ACTL6A: variants seen among roughly 807,000 people sequenced by gnomAD.
The protein encoded by ACTL6A is actin-like protein 6A.
In ACTL6A, 5 loss-of-function variants were observed where a neutral mutation model predicts 59.2. The observed-to-expected ratio is 0.08, with a 90% CI of 0.04 to 0.18. The LOEUF is 0.18. Ranked by LOEUF, ACTL6A falls within the 10% of genes least tolerant of loss-of-function variation. The pLI is 1.00. For synonymous variants in ACTL6A, 154 were observed against 171.8 expected, an observed-to-expected ratio of 0.90 and a Z score of 0.81; for missense variants, 285 against 526.9, an observed-to-expected ratio of 0.54 and a Z score of 4.49.
chr3:179,568,245 G>A (rs993520965), intron 1 of ACTL6A, among the ~76,000 whole-genome samples: 2 of 151,550 alleles, frequency 1.3e-5, no homozygotes, highest in South Asian at 2.1e-4. Flanking sequence ...CAAAGTAATG[G>A]GTTTGATTTT....
chr3:179,581,322 C>A, intron 11 of ACTL6A, 102 bp downstream of exon 11: 1 of 971,282 alleles, frequency 1.0e-6, no homozygotes, highest in South Asian at 1.4e-5. Flanking sequence ...TTGTCAGTGT[C>A]ATTGACTTTG....
At chr3:179,571,620 C>T (rs1237905513) in intron 3 of ACTL6A, among the ~76,000 whole-genome samples, 3 of 152,282 alleles carry the variant, frequency 2.0e-5, no homozygotes, top group South Asian at 2.1e-4. Context: ...AGTCCAGATA[C>T]AGGCTTTGGA....
Position 179,588,135 on chromosome 3 carries a change from T to G in ACTL6A, c.*125T>G. ...CATTTTTGCATATTTCAATTTCCAC[T>G]TAAATTTTTTAAAGCTTTAACTGGC... On this transcript the variant is annotated 3_prime_UTR_variant, in exon 14 of 14. Coordinates refer to ENST00000429709, the MANE Select transcript of ACTL6A (RefSeq NM_004301.5). 2 of 643,982 alleles carry G rather than the reference T, an allele frequency of 3.1e-6. No individual in the cohort carries two copies. Among genetic ancestry groups the G allele is most frequent in the Non-Finnish European group, 4.8e-6 (2 of 417,040 alleles). The allele number at this position is 643,982 out of a possible 1,614,324, so 39.9% of individuals were successfully genotyped here. A position where few individuals can be genotyped will look rare whatever the true frequency, so the allele number is the denominator to read the frequency against.
chr3:179,568,973 C>T (rs916210622), intron 1 of ACTL6A, among the ~76,000 whole-genome samples: 7 of 152,230 alleles, frequency 4.6e-5, no homozygotes, highest in Non-Finnish European at 8.8e-5. Flanking sequence ...TTTTGCATGT[C>T]TCCTTGCAAC....
At chr3:179,586,837 T>C (rs542905997) in intron 13 of ACTL6A, 19 of 517,154 alleles carry the variant, frequency 3.7e-5, no homozygotes, top group Non-Finnish European at 5.6e-5. Flanking sequence ...TCAGCCTAAT[T>C]TCAATGTCCC....
At chr3:179,576,337 T>C (rs533137497) in intron 6 of ACTL6A, 26 bp downstream of exon 6, 2 of 1,512,848 alleles carry the variant, frequency 1.3e-6, no homozygotes, top group Non-Finnish European at 1.8e-6. Flanking sequence ...CAGGATACAC[T>C]GAGATGATTT....
chr3:179,579,156 TC>T (rs1236522871), intron 8 of ACTL6A, among the ~76,000 whole-genome samples: 1 of 152,204 alleles, frequency 6.6e-6, no homozygotes, highest in Non-Finnish European at 1.5e-5. Context: ...GAGCTTTTTT[TC>T]ATATGCTGTT....
intron 5 of ACTL6A, chr3:179,575,613 C>G (rs1234613842): frequency 2.7e-6 from 1 of 368,028 alleles, no homozygotes. Context: ...GTCCCTACTC[C>G]TAAACATCAG....
intron 3 of ACTL6A, among the ~76,000 whole-genome samples, chr3:179,572,814 A>G (rs1260390578): frequency 6.6e-6 from 1 of 152,138 alleles, no homozygotes; most frequent in Non-Finnish European, 1.5e-5. Context: ...CAAAAAAAAG[A>G]AAAAAGAAGG....
At chr3:179,566,794 A>G (rs547343738) in intron 1 of ACTL6A, among the ~76,000 whole-genome samples, 18 of 152,226 alleles carry the variant, frequency 1.2e-4, no homozygotes, top group African/African-American at 4.1e-4. Context: ...GGTTCAAGCA[A>G]TTCTCCTGCC....
chr3:179,581,994 G>T (rs1718353918), intron 11 of ACTL6A, among the ~76,000 whole-genome samples: 1 of 152,182 alleles, frequency 6.6e-6, no homozygotes, highest in South Asian at 2.1e-4. Context: ...ATACTGCCTA[G>T]ATTTTGAGTA....
intron 4 of ACTL6A, 81 bp downstream of exon 4, chr3:179,573,550 T>G: frequency 1.1e-6 from 1 of 949,978 alleles, no homozygotes; most frequent in South Asian, 1.7e-5. Context: ...TTCTACTCAT[T>G]TGATGAACAT....
chr3:179,584,611 CA>C (rs11353729), intron 12 of ACTL6A, among the ~76,000 whole-genome samples: 88,098 of 138,616 alleles, frequency 0.64, 27,126 homozygotes, highest in East Asian at 0.88. Context: ...GACTCCATCT[CA>C]AAAAAAAAAA....
At chr3:179,577,809 T>G (rs965250975) in intron 8 of ACTL6A, among the ~76,000 whole-genome samples, 3 of 151,828 alleles carry the variant, frequency 2.0e-5, no homozygotes, top group African/African-American at 7.3e-5. Flanking sequence ...AAGGACATGA[T>G]CTCATTCTTT....
At chr3:179,568,044 C>T (rs778563006) in intron 1 of ACTL6A, among the ~76,000 whole-genome samples, 3 of 151,644 alleles carry the variant, frequency 2.0e-5, no homozygotes, top group African/African-American at 4.8e-5. Context: ...TGGTGGTGCG[C>T]GTCTGTAGTC....
rs760188688 is a variant in ACTL6A, at chr3:179,573,442, C to T, written c.351C>T (p.Leu117=). The T allele has an allele frequency of 3.8e-6, 6 of 1,584,850 alleles. No homozygotes were observed. Among genetic ancestry groups the T allele is most frequent in the Non-Finnish European group, 5.1e-6 (6 of 1,169,560 alleles). Reference sequence around the variant, plus strand: ...TGCATGTCAAATCAGAAGCCAGTCTCCATCCTGTTCTCATGTCAGAGGCAC... The same window carrying T: ...TGCATGTCAAATCAGAAGCCAGTCTTCATCCTGTTCTCATGTCAGAGGCAC... ...YKMHVKSEAS[L]HPVLMSEAPW... Residue 117 remains leucine, a synonymous_variant, in exon 4 of 14, where the codon CTC becomes CTT. Coordinates refer to ENST00000429709, the MANE Select transcript of ACTL6A (RefSeq NM_004301.5).
intron 8 of ACTL6A, among the ~76,000 whole-genome samples, chr3:179,579,660 C>T (rs1463959500): frequency 6.6e-6 from 1 of 152,146 alleles, no homozygotes; most frequent in Non-Finnish European, 1.5e-5. Context: ...TGGTGCTGAG[C>T]ACCTGTAATC....
chr3:179,571,426 A>G (rs1217602275), intron 3 of ACTL6A, among the ~76,000 whole-genome samples: 1 of 52,196 alleles, frequency 1.9e-5, no homozygotes, highest in Non-Finnish European at 6.6e-5. Context: ...GTCTCAAAAA[A>G]AAAAACAAAA....
chr3:179,566,596 G>A (rs1287527060), intron 1 of ACTL6A, among the ~76,000 whole-genome samples: 1 of 152,176 alleles, frequency 6.6e-6, no homozygotes, highest in Non-Finnish European at 1.5e-5. Context: ...TCTGAGGTCT[G>A]TCTCTGTGTG....
Sources: allele counts gnomAD v4.1 joint callset (sites outside exome capture counted in the v4.1 genomes callset), GRCh38; gene constraint gnomAD v4.1.1; transcripts MANE v1.5; gene names NCBI Gene and HGNC (gene_info 2026-07-23, HGNC 2026-07-21).